The following BORCS5 variants were observed in gnomAD, a reference collection of about 807,000 sequenced individuals.
BORCS5 encodes BLOC-1-related complex subunit 5.
In BORCS5, 17 loss-of-function variants were observed where a neutral mutation model predicts 22.1. That is an observed-to-expected ratio of 0.77 (90% CI 0.53 to 1.15). BORCS5 has a LOEUF of 1.15. Ranked by LOEUF, BORCS5 falls within the 50% of genes most tolerant of loss-of-function variation. BORCS5 has a pLI of 0.00. For synonymous variants in BORCS5, 117 were observed against 99.8 expected (o/e 1.17, Z -1.03); for missense variants, 247 against 253.2 (o/e 0.98, Z 0.17).
At chr12:12,397,812 A>G (rs1941385905) in intron 2 of BORCS5, among the ~76,000 whole-genome samples, 1 of 152,180 alleles carries the variant, frequency 6.6e-6, no homozygotes, top group South Asian at 2.1e-4. Context: ...TGTCTGTCCT[A>G]CTATTTTAGG....
At chr12:12,365,942 G>A (rs56339556) in intron 2 of BORCS5, among the ~76,000 whole-genome samples, 227 of 152,278 alleles carry the variant, frequency 1.5e-3, no homozygotes, top group African/African-American at 4.9e-3. Context: ...AGGAACTAGC[G>A]TGGTGGGTAT....
intron 2 of BORCS5, among the ~76,000 whole-genome samples, chr12:12,389,283 G>A (rs1467568398): frequency 4.0e-5 from 6 of 149,578 alleles, no homozygotes; most frequent in South Asian, 4.3e-4. Flanking sequence ...GATTACAGGC[G>A]CCCACCACCA....
intron 2 of BORCS5, among the ~76,000 whole-genome samples, chr12:12,425,676 T>C (rs765885616): frequency 9.2e-5 from 14 of 152,234 alleles, no homozygotes; most frequent in Non-Finnish European, 1.8e-4. Context: ...TGCCCAATTG[T>C]GTGGTTTGTT....
chr12:12,394,533 C>T (rs557857717), intron 2 of BORCS5, among the ~76,000 whole-genome samples: 20 of 151,162 alleles, frequency 1.3e-4, no homozygotes, highest in Admixed American at 8.6e-4. Flanking sequence ...TAATTTTTGC[C>T]GCCCTTTAAA....
intron 2 of BORCS5, among the ~76,000 whole-genome samples, chr12:12,373,107 G>T (rs1372729527): frequency 6.6e-6 from 1 of 152,168 alleles, no homozygotes. Flanking sequence ...GAGCCCTCAT[G>T]TCATGGGAGT....
rs569410928 is a variant in BORCS5 at position 12,384,846 on chromosome 12, C to T, written c.202+23497C>T. Among the ~76,000 whole-genome samples, 6 of 151,312 alleles carry T rather than the reference C, an allele frequency of 4.0e-5. No individual in the cohort carries two copies. The East Asian group carries it at 1.2e-3, about 29-fold the overall frequency. On this transcript the variant is annotated intron_variant, in intron 2 of 3. Transcript: ENST00000314565. Reference sequence around the variant, plus strand: ...GGAGCTGAAATAACAGGGGCTGGAGCAGCTGGGGGCCGTCTGGGCAGCTCT... The same window carrying T: ...GGAGCTGAAATAACAGGGGCTGGAGTAGCTGGGGGCCGTCTGGGCAGCTCT...
chr12:12,384,745 C>T (rs1207325265), intron 2 of BORCS5, among the ~76,000 whole-genome samples: 1 of 151,172 alleles, frequency 6.6e-6, no homozygotes, highest in East Asian at 1.9e-4. Flanking sequence ...TCTCAGATTT[C>T]TGTGGGTCAG....
Position 12,364,630 on chromosome 12 carries a change from T to C in BORCS5, c.202+3281T>C, listed in dbSNP as rs112722696. 6.9e-3 allele frequency among the ~76,000 whole-genome samples: 1,058 copies of C among 152,250 alleles called. 12 individuals carry two copies. Among genetic ancestry groups the C allele is most frequent in the African/African-American group, 0.024 (986 of 41,534 alleles). ...TGATTAATCACTAGTAGGGGAAATA[T>C]CTAGAAGACTTGGTGTTAAGGGAAG... On this transcript the variant is annotated intron_variant, in intron 2 of 3. Coordinates refer to ENST00000314565, the MANE Select transcript of BORCS5 (RefSeq NM_058169.6).
chr12:12,406,998 C>T (rs981634846), intron 2 of BORCS5, among the ~76,000 whole-genome samples: 9 of 152,152 alleles, frequency 5.9e-5, no homozygotes, highest in African/African-American at 1.9e-4. Context: ...CCCAAGTGGC[C>T]TGTTCTTCCA....
chr12:12,432,709 A>G (rs1011292346), intron 2 of BORCS5, among the ~76,000 whole-genome samples: 2 of 152,236 alleles, frequency 1.3e-5, no homozygotes, highest in Non-Finnish European at 2.9e-5. Context: ...AGAATTAACC[A>G]TTGATATATC....
intron 2 of BORCS5, among the ~76,000 whole-genome samples, chr12:12,415,551 T>G (rs1277281509): frequency 3.4e-4 from 2 of 5,894 alleles, no homozygotes; most frequent in African/African-American, 8.7e-4. Flanking sequence ...AAGGAGACCG[T>G]GGAGAGAGGG....
chr12:12,395,868 C>G lies in BORCS5; in HGVS notation c.202+34519C>G, dbSNP rs1941326926. ...GAGGAGCAAACTTGAGAGGCATTTTCAAGGAAGAAATGACAGGATTTGGCA... is the reference window on the plus strand; with the variant it reads ...GAGGAGCAAACTTGAGAGGCATTTTGAAGGAAGAAATGACAGGATTTGGCA... On this transcript the variant is annotated intron_variant, in intron 2 of 3. Transcript: ENST00000314565. Among the ~76,000 whole-genome samples, 4 of 151,942 alleles carry G rather than the reference C, an allele frequency of 2.6e-5. No homozygotes were observed. In the South Asian group the frequency reaches 8.3e-4, roughly 32 times the overall value.
intron 2 of BORCS5, among the ~76,000 whole-genome samples, chr12:12,384,866 A>G (rs141804760): frequency 2.6e-5 from 4 of 151,182 alleles, no homozygotes; most frequent in African/African-American, 9.7e-5. Context: ...CCGTCTGGGC[A>G]GCTCTCTTTA....
intron 2 of BORCS5, among the ~76,000 whole-genome samples, chr12:12,409,015 C>T (rs2136082632): frequency 6.6e-6 from 1 of 152,216 alleles, no homozygotes; most frequent in Non-Finnish European, 1.5e-5. Flanking sequence ...AACCACCACA[C>T]CCCTTTCGCC....
intron 2 of BORCS5, among the ~76,000 whole-genome samples, chr12:12,425,468 C>A (rs1942262390): frequency 6.6e-6 from 1 of 152,184 alleles, no homozygotes; most frequent in African/African-American, 2.4e-5. Context: ...ACCAGCAATG[C>A]ACAAGGGTTC....
At chr12:12,442,861 A>G (rs1231627552) in intron 3 of BORCS5, among the ~76,000 whole-genome samples, 1 of 152,202 alleles carries the variant, frequency 6.6e-6, no homozygotes. Context: ...GGGCCTGCAC[A>G]CAGGGCTGGG....
chr12:12,429,513 A>T (rs1942369578), intron 2 of BORCS5, among the ~76,000 whole-genome samples: 2 of 152,208 alleles, frequency 1.3e-5, no homozygotes, highest in Non-Finnish European at 1.5e-5. Flanking sequence ...GGATAGAGTC[A>T]TGCACCTGGG....
intron 2 of BORCS5, among the ~76,000 whole-genome samples, chr12:12,415,091 C>G (rs1007555034): frequency 6.6e-6 from 1 of 150,772 alleles, no homozygotes; most frequent in Non-Finnish European, 1.5e-5. Context: ...AGAGGCTCCT[C>G]ATATCCCAGA....
intron 2 of BORCS5, among the ~76,000 whole-genome samples, chr12:12,416,389 A>G (rs973978056): frequency 1.5e-4 from 23 of 151,192 alleles, no homozygotes; most frequent in African/African-American, 5.1e-4. Flanking sequence ...TTGTTTTTCT[A>G]GTTCCTTAAG....
Sources: gnomAD v4.1 joint callset for allele counts (sites outside exome capture counted in the v4.1 genomes callset) on GRCh38, gnomAD v4.1.1 for gene constraint, MANE v1.5 for transcripts, NCBI Gene and HGNC (gene_info 2026-07-23, HGNC 2026-07-21) for gene names.